Variants in GREM2 observed in about 807,000 individuals in gnomAD.
GREM2 encodes gremlin 2, DAN family BMP antagonist.
GREM2 carries 11 observed loss-of-function variants against 14.2 expected under a neutral mutation model. That is an observed-to-expected ratio of 0.78 (90% CI 0.49 to 1.28). GREM2 has a LOEUF of 1.28. Among genes scored for constraint, GREM2 ranks in the 50% most tolerant of loss-of-function variants. The probability of loss-of-function intolerance (pLI) is 0.00; values close to 1 mark genes in which losing one functional copy is unlikely to be tolerated. For missense variants in GREM2, 210 were observed against 218.5 expected (o/e 0.96, Z 0.24); for synonymous variants, 98 against 97.6 (o/e 1.00, Z -0.02).
At chr1:240,520,082 A>AAAAATTAAAAT (rs1553273674) in intron 1 of GREM2, among the ~76,000 whole-genome samples, 5 of 144,246 alleles carry the variant, frequency 3.5e-5, no homozygotes, top group Non-Finnish European at 1.5e-5. Context: ...CTCCATCCCA[A>AAAAATTAAAAT]AAAATAAAAT....
At chr1:240,599,129 G>A (rs1246408265) in intron 1 of GREM2, among the ~76,000 whole-genome samples, 1 of 152,082 alleles carries the variant, frequency 6.6e-6, no homozygotes, top group Admixed American at 6.6e-5. Context: ...TTAGCCTGGT[G>A]TGGTGGTGCA....
intron 1 of GREM2, among the ~76,000 whole-genome samples, chr1:240,538,592 C>G (rs1313661974): frequency 2.6e-5 from 4 of 151,898 alleles, no homozygotes; most frequent in African/African-American, 4.8e-5. Context: ...GTGGTGTGTG[C>G]CTATAGTCCC....
chr1:240,609,717 G>T (rs1680096878), intron 1 of GREM2, among the ~76,000 whole-genome samples: 1 of 152,190 alleles, frequency 6.6e-6, no homozygotes, highest in African/African-American at 2.4e-5. Context: ...GAACTAATCT[G>T]TTGAGTGCCT....
chr1:240,598,131 C>A (rs1193933176), intron 1 of GREM2, among the ~76,000 whole-genome samples: 1 of 152,116 alleles, frequency 6.6e-6, no homozygotes, highest in Non-Finnish European at 1.5e-5. Context: ...AATTTTACTG[C>A]CATCAAGAAA....
At chr1:240,569,175 A>C (rs1168946823) in intron 1 of GREM2, among the ~76,000 whole-genome samples, 1 of 152,218 alleles carries the variant, frequency 6.6e-6, no homozygotes, top group Non-Finnish European at 1.5e-5. Context: ...TAAAAACTAC[A>C]GAATATTGCT....
At chr1:240,509,360 ATTTT>A (rs564246660) in intron 1 of GREM2, among the ~76,000 whole-genome samples, 13,922 of 111,790 alleles carry the variant, frequency 0.12, 680 homozygotes, top group Middle Eastern at 0.15. Flanking sequence ...AGCTCATTTG[ATTTT>A]TTTTTTTTTT....
chr1:240,528,589 A>G (rs751291998), intron 1 of GREM2, among the ~76,000 whole-genome samples: 17 of 152,170 alleles, frequency 1.1e-4, no homozygotes, highest in Non-Finnish European at 2.2e-4. Flanking sequence ...AACAACTGCA[A>G]TCGAATTATG....
chr1:240,551,333 C>T (rs1365883675), intron 1 of GREM2, among the ~76,000 whole-genome samples: 3 of 119,764 alleles, frequency 2.5e-5, no homozygotes, highest in African/African-American at 1.0e-4. Flanking sequence ...ATAGGTTTAC[C>T]TTGTGTTTTT....
intron 1 of GREM2, among the ~76,000 whole-genome samples, chr1:240,511,358 G>T (rs993621471): frequency 3.9e-5 from 6 of 152,114 alleles, no homozygotes; most frequent in African/African-American, 9.7e-5. Context: ...CATTTTTGTT[G>T]AATTAGCTAT....
At chr1:240,526,201 A>G (rs917577030) in intron 1 of GREM2, among the ~76,000 whole-genome samples, 1 of 152,064 alleles carries the variant, frequency 6.6e-6, no homozygotes, top group Non-Finnish European at 1.5e-5. Flanking sequence ...GCATCTTTGG[A>G]GGGGGGCATT....
chr1:240,514,909 C>G (rs2103295714), intron 1 of GREM2, among the ~76,000 whole-genome samples: 1 of 152,260 alleles, frequency 6.6e-6, no homozygotes, highest in East Asian at 1.9e-4. Context: ...CCTCTGCACT[C>G]CAGCCTGGGC....
chr1:240,506,611 G>A (rs1423818527), intron 1 of GREM2, among the ~76,000 whole-genome samples: 10 of 152,120 alleles, frequency 6.6e-5, no homozygotes, highest in African/African-American at 2.2e-4. Flanking sequence ...TGTTGAAAAC[G>A]GATTAAAAAT....
At chr1:240,598,685 G>T (rs1195783539) in intron 1 of GREM2, among the ~76,000 whole-genome samples, 2 of 152,138 alleles carry the variant, frequency 1.3e-5, no homozygotes, top group Non-Finnish European at 1.5e-5. Context: ...AGTGGCATGT[G>T]AACTGAAGTG....
chr1:240,508,232 C>T (rs1446352048), intron 1 of GREM2, among the ~76,000 whole-genome samples: 2 of 152,100 alleles, frequency 1.3e-5, no homozygotes, highest in Non-Finnish European at 2.9e-5. Context: ...TAGTAGATGA[C>T]CAATACATAT....
chr1:240,597,282 A>G (rs1186180682), intron 1 of GREM2, among the ~76,000 whole-genome samples: 1 of 152,230 alleles, frequency 6.6e-6, no homozygotes, highest in Non-Finnish European at 1.5e-5. Flanking sequence ...AAGCAAGCAA[A>G]TCAGCGGGGT....
At position 240,540,136 on chromosome 1, in the gene GREM2, A is replaced by G. The variant is rs768003974; in HGVS notation, c.-1-46660T>C. ...ATGTCTTTAATTGAAACCTAGTATT[A>G]TTTTATTCCTCTCTGCAGAGAGGAA... On this transcript the variant is annotated intron_variant, in intron 1 of 1. Transcript: ENST00000318160. The surrounding 1 kb of genome is among the most constrained non-coding windows in gnomAD (Gnocchi z 4.2). 1.3e-5 allele frequency among the ~76,000 whole-genome samples: 2 copies of G among 152,030 alleles called. No individual in the cohort carries two copies. The highest frequency in any genetic ancestry group is 2.4e-5 in the African/African-American group (1 of 41,372).
chr1:240,513,984 G>A (rs571156256), intron 1 of GREM2, among the ~76,000 whole-genome samples: 1 of 152,144 alleles, frequency 6.6e-6, no homozygotes, highest in East Asian at 1.9e-4. Flanking sequence ...GGTGGCTCAT[G>A]CATGTAATCC....
At chr1:240,518,842 T>C (rs1678011770) in intron 1 of GREM2, among the ~76,000 whole-genome samples, 1 of 152,224 alleles carries the variant, frequency 6.6e-6, no homozygotes, top group Non-Finnish European at 1.5e-5. Flanking sequence ...ACAAAGGCTC[T>C]CAAAGTACAT....
Position 240,493,245 on chromosome 1 carries a change from C to T in GREM2, c.231G>A (p.Pro77=), listed in dbSNP as rs148064794. The change falls in exon 2 of 2, where the codon CCG becomes CCA. Residue 77 remains proline (P), a synonymous_variant. Coordinates refer to ENST00000318160, the MANE Select transcript of GREM2 (RefSeq NM_022469.4). ...YLKSDWCKTQ[P]LRQTVSEEGC... Reference sequence around the variant, plus strand: ...CCTCCTCGCTCACCGTCTGCCGCAGCGGCTGCGTCTTGCACCAGTCACTCT... The same window carrying T: ...CCTCCTCGCTCACCGTCTGCCGCAGTGGCTGCGTCTTGCACCAGTCACTCT... 5.6e-6 allele frequency: 9 copies of T among 1,613,976 alleles called. No individual in the cohort carries two copies. In the African/African-American group the frequency reaches 1.2e-4, roughly 22 times the overall value.
Sources: gnomAD v4.1 joint callset for allele counts (sites outside exome capture counted in the v4.1 genomes callset) on GRCh38, gnomAD v4.1.1 for gene constraint, Gnocchi (gnomAD v3.1) non-coding constraint, MANE v1.5 for transcripts, NCBI Gene and HGNC (gene_info 2026-07-23, HGNC 2026-07-21) for gene names.